The following SEMA4D variants were observed in gnomAD, a reference collection of about 807,000 sequenced individuals.
SEMA4D encodes the protein semaphorin 4D, also known as semaphorin-4D.
Under a neutral mutation model 74.8 loss-of-function variants are expected in SEMA4D, and 22 were observed. The ratio of observed to expected loss-of-function variants is 0.29; its 90% CI spans 0.21 to 0.42. The LOEUF (loss-of-function observed/expected upper bound fraction) is 0.42. Ranked by LOEUF, SEMA4D falls within the 10% of genes least tolerant of loss-of-function variation. The probability of loss-of-function intolerance (pLI) is 1.00; values close to 1 mark genes in which losing one functional copy is unlikely to be tolerated. For missense variants in SEMA4D, 937 were observed against 1,118.4 expected, an observed-to-expected ratio of 0.84 and a Z score of 2.31; for synonymous variants, 445 against 463.7, an observed-to-expected ratio of 0.96 and a Z score of 0.52.
At chr9:89,404,547 C>T (rs1030649547) in intron 3 of SEMA4D, among the ~76,000 whole-genome samples, 72 of 105,648 alleles carry the variant, frequency 6.8e-4, no homozygotes, top group Admixed American at 1.6e-3. Context: ...GTTCCTGTCC[C>T]GTCCCCAGCC....
chr9:89,372,957 G>A (rs117049476), downstream of SEMA4D, among the ~76,000 whole-genome samples: 5,373 of 152,218 alleles, frequency 0.035, 122 homozygotes, highest in Middle Eastern at 0.051. Context: ...TCCTAGAGGC[G>A]AGAACTGTGG....
At chr9:89,386,043 C>A (rs1039886013) in intron 13 of SEMA4D, 1 of 985,328 alleles carries the variant, frequency 1.0e-6, no homozygotes, top group Non-Finnish European at 1.2e-6. Flanking sequence ...GCACACCCCC[C>A]AAGCTCAGGG....
At chr9:89,465,625 C>T (rs1858490149) in intron 1 of SEMA4D, among the ~76,000 whole-genome samples, 2 of 152,196 alleles carry the variant, frequency 1.3e-5, no homozygotes, top group Non-Finnish European at 2.9e-5. Flanking sequence ...ATGTGAATTT[C>T]ACCTCAAGAA....
chr9:89,388,696 C>T lies in SEMA4D; in HGVS notation c.1047G>A (p.Glu349=). The T allele has an allele frequency of 1.2e-6, 2 of 1,609,768 alleles. No homozygotes were observed. The highest frequency in any genetic ancestry group is 2.2e-5 in the South Asian group (2 of 90,958). Residue 349 remains glutamate, a synonymous_variant, in exon 11 of 16, where the codon GAG becomes GAA. Transcript: ENST00000422704. ...HGKYMQSTTV[E]QSHTKWVRYN... ...AGCGCACCCACTTGGTGTGGGACTG[C>T]TCCACTGTGGTGCTCTGCATGTACT... is the stretch of plus-strand genomic sequence containing the variant.
In SEMA4D at chr9:89,485,237, G is replaced by C. The variant is rs150881988; in HGVS notation, c.-310+12682C>G. 3.9e-5 allele frequency among the ~76,000 whole-genome samples: 6 copies of C among 152,248 alleles called. No homozygotes were observed. The East Asian group carries it at 1.2e-3, about 29-fold the overall frequency. ...GGTTCACAAACTGTTCTTAACACAT[G>C]ATGTATTATGCTGACTTCTCATCTC... On this transcript the variant is annotated intron_variant, in intron 1 of 15. Coordinates refer to ENST00000422704, the MANE Select transcript of SEMA4D (RefSeq NM_001371194.2).
At chr9:89,369,337 C>T (rs752148634) in intron 16 of SEMA4D, 4 of 152,218 alleles carry the variant, frequency 2.6e-5, no homozygotes, top group South Asian at 2.1e-4. Context: ...ATTTCTAACA[C>T]TGTAGTTAAA....
rs529556439 is a variant in SEMA4D at position 89,399,272 on chromosome 9, T to G, written c.315+4A>C. On this transcript the variant is annotated splice_donor_region_variant and intron_variant, in intron 5 of 15. Coordinates refer to ENST00000422704, the MANE Select transcript of SEMA4D (RefSeq NM_001371194.2). ...ATTCTTTGTAGCTTGCAAAAGAAAT[T>G]TACCTGTTTTGATTTCCCCTTTTCT... 1.9e-5 allele frequency: 30 copies of G among 1,611,990 alleles called. No individual in the cohort carries two copies. The South Asian group carries it at 3.3e-4, about 18-fold the overall frequency.
intron 7 of SEMA4D, among the ~76,000 whole-genome samples, chr9:89,392,846 C>T (rs2133247445): frequency 6.6e-6 from 1 of 152,330 alleles, no homozygotes; most frequent in African/African-American, 2.4e-5. Context: ...CCTGCCTCAA[C>T]CTCCCAAGCA....
chr9:89,421,790 C>CGT, intron 2 of SEMA4D, among the ~76,000 whole-genome samples: 1 of 151,038 alleles, frequency 6.6e-6, no homozygotes, highest in East Asian at 1.9e-4. Context: ...GGTGTGTGAC[C>CGT]GTGTGTGTGC....
rs141027079 is a variant in SEMA4D at position 89,383,325 on chromosome 9, G to A, written c.1447-1979C>T. On this transcript the variant is annotated intron_variant, in intron 13 of 15. Coordinates refer to ENST00000422704, the MANE Select transcript of SEMA4D (RefSeq NM_001371194.2). ...CGACACACTCGACATGGAAAAAGAC[G>A]GTGGTGACTTGGACAGAATGACCAA... Among the ~76,000 whole-genome samples, 30 of 152,270 alleles carry A rather than the reference G, an allele frequency of 2.0e-4. No homozygotes were observed. The East Asian group carries it at 3.9e-3, about 20-fold the overall frequency.
chr9:89,363,442 C>T lies in SEMA4D; in HGVS notation c.2178G>A (p.Trp726Ter). Residue 726 changes from tryptophan to a stop codon, truncating the protein, a stop_gained, in exon 18 of 19, where the codon TGG (tryptophan) becomes TGA (stop). Transcript: ENST00000339861. LOFTEE classifies it high-confidence loss of function. ...TGCGGCCACTTACCCACGCCTTCCT[C>T]CAGCTCTGCATCATCCGGTCGTGCT... 1 of 1,613,632 alleles carries T rather than the reference C, an allele frequency of 6.2e-7. No individual in the cohort carries two copies. Among genetic ancestry groups the T allele is most frequent in the East Asian group, 2.2e-5 (1 of 44,880 alleles).
chr9:89,464,238 A>G (rs1012929816), intron 1 of SEMA4D, among the ~76,000 whole-genome samples: 3 of 152,234 alleles, frequency 2.0e-5, no homozygotes, highest in Non-Finnish European at 4.4e-5. Flanking sequence ...TTGAAGATGT[A>G]AAACAAAAAT....
chr9:89,419,049 C>T (rs1195090856), intron 2 of SEMA4D, among the ~76,000 whole-genome samples: 1 of 151,862 alleles, frequency 6.6e-6, no homozygotes, highest in African/African-American at 2.4e-5. Context: ...TACACCCCTC[C>T]CCAGGAAGCA....
At chr9:89,422,547 T>C (rs1331259685) in intron 2 of SEMA4D, among the ~76,000 whole-genome samples, 2 of 152,252 alleles carry the variant, frequency 1.3e-5, no homozygotes, top group East Asian at 3.8e-4. Flanking sequence ...CCAGGTCCTG[T>C]GTGTCCCTGC....
At chr9:89,380,151 G>C (rs1836700042) in intron 15 of SEMA4D, among the ~76,000 whole-genome samples, 1 of 151,660 alleles carries the variant, frequency 6.6e-6, no homozygotes, top group Admixed American at 6.6e-5. Context: ...TCCCACCTCA[G>C]TCTCCAGAGT....
Position 89,385,662 on chromosome 9 carries a change from G to A in SEMA4D, c.1446+705C>T, listed in dbSNP as rs182908568. 1.5e-3 allele frequency: 1,165 copies of A among 756,446 alleles called. 1 individual carries two copies. Among genetic ancestry groups the A allele is most frequent in the Non-Finnish European group, 1.6e-3 (969 of 620,946 alleles). 46.9% of individuals were successfully genotyped at this position (756,446 alleles called of 1,614,324 possible). A position where few individuals can be genotyped will look rare whatever the true frequency, so the allele number is the denominator to read the frequency against. ...CTTTGTGGATACAGGGGAGGGAAGA[G>A]GACAGAAGACCTGGAGGGGTGTTTG... On this transcript the variant is annotated intron_variant, in intron 13 of 15. Transcript: ENST00000422704.
chr9:89,420,421 C>A (rs773895178), intron 2 of SEMA4D, among the ~76,000 whole-genome samples: 8 of 152,210 alleles, frequency 5.3e-5, no homozygotes, highest in Non-Finnish European at 1.2e-4. Context: ...AATCCAATGG[C>A]CTGTTCATCA....
chr9:89,414,481 A>G (rs1197490572), intron 2 of SEMA4D, among the ~76,000 whole-genome samples: 1 of 152,174 alleles, frequency 6.6e-6, no homozygotes, highest in Non-Finnish European at 1.5e-5. Context: ...AAGACACCAC[A>G]GCCCTCACCA....
At chr9:89,463,928 C>T (rs1233793206) in intron 1 of SEMA4D, among the ~76,000 whole-genome samples, 11 of 131,118 alleles carry the variant, frequency 8.4e-5, no homozygotes, top group East Asian at 4.3e-4. Context: ...AGCAAGACTC[C>T]GTCTCAGACA....
Sources: allele counts gnomAD v4.1 joint callset (sites outside exome capture counted in the v4.1 genomes callset), GRCh38; gene constraint gnomAD v4.1.1; transcripts MANE v1.5; gene names NCBI Gene and HGNC (gene_info 2026-07-23, HGNC 2026-07-21).